Variants in DRC11 observed in about 807,000 individuals in gnomAD.
DRC11 encodes the protein dynein regulatory complex subunit 11.
At chr2:236,413,226 A>G in the DRC11 span, among the ~76,000 whole-genome samples, 1 of 152,192 alleles carries the variant, frequency 6.6e-6, no homozygotes, top group Non-Finnish European at 1.5e-5. The surrounding 1 kb of genome is among the most constrained non-coding windows in gnomAD (Gnocchi z 4.0). Context: ...GAAAGTCCAC[A>G]CACCTTTTCC....
At chr2:236,494,100 C>T in the DRC11 span, among the ~76,000 whole-genome samples, 1 of 152,140 alleles carries the variant, frequency 6.6e-6, no homozygotes, top group African/African-American at 2.4e-5. This position sits in a 1 kb window ranked among gnomAD's most constrained non-coding sequence, Gnocchi z 4.2. Flanking sequence ...ATGCCCCTTG[C>T]TTTAATCATT....
the DRC11 span, chr2:236,494,022 A>T: frequency 1.4e-6 from 1 of 707,488 alleles, no homozygotes; most frequent in Admixed American, 3.7e-5. The surrounding 1 kb of genome is among the most constrained non-coding windows in gnomAD (Gnocchi z 4.2). Flanking sequence ...GAAAAAAAAA[A>T]TGAGGCCAGC....
the DRC11 span, among the ~76,000 whole-genome samples, chr2:236,460,302 G>A: frequency 2.6e-5 from 4 of 151,408 alleles, no homozygotes; most frequent in Middle Eastern, 3.4e-3. The surrounding 1 kb of genome is among the most constrained non-coding windows in gnomAD (Gnocchi z 4.0). Flanking sequence ...GGGACAGGCC[G>A]GTGAGGGCTG....
chr2:236,363,868 G>A, the DRC11 span: 7 of 1,613,812 alleles, frequency 4.3e-6, 1 homozygote, highest in East Asian at 1.6e-4. The surrounding 1 kb of genome is among the most constrained non-coding windows in gnomAD (Gnocchi z 5.6). Flanking sequence ...GAAGAGGTTG[G>A]CTCCCGTTTC....
chr2:236,407,034 C>T, the DRC11 span, among the ~76,000 whole-genome samples: 3 of 152,068 alleles, frequency 2.0e-5, no homozygotes, highest in East Asian at 1.9e-4. Context: ...CATGAGCCAC[C>T]GCGCCCAGCC....
chr2:236,356,573 C>T, the DRC11 span, among the ~76,000 whole-genome samples: 1 of 152,162 alleles, frequency 6.6e-6, no homozygotes, highest in Non-Finnish European at 1.5e-5. Flanking sequence ...TTTTTGTTGA[C>T]ATTCAGCACT....
the DRC11 span, among the ~76,000 whole-genome samples, chr2:236,350,324 T>G: frequency 6.4e-4 from 97 of 152,320 alleles, no homozygotes; most frequent in Non-Finnish European, 1.3e-3. This position sits in a 1 kb window ranked among gnomAD's most constrained non-coding sequence, Gnocchi z 5.2. Context: ...TCTCCCTAGT[T>G]CAGCAGCTTT....
the DRC11 span, among the ~76,000 whole-genome samples, chr2:236,459,576 C>CGTACGTATATACGTACGTAT: frequency 7.9e-6 from 1 of 126,238 alleles, no homozygotes; most frequent in Non-Finnish European, 1.8e-5. Context: ...TATGTGTATA[C>CGTACGTATATACGTACGTAT]ATACGTATAT....
At chr2:236,493,682 C>G in the DRC11 span, 1 of 1,086,802 alleles carries the variant, frequency 9.2e-7, no homozygotes, top group South Asian at 1.7e-5. Context: ...TGAAAATAAT[C>G]TAAGTGTTGC....
chr2:236,386,545 TTCTC>T, the DRC11 span, among the ~76,000 whole-genome samples: 2 of 152,182 alleles, frequency 1.3e-5, no homozygotes, highest in South Asian at 2.1e-4. Context: ...TATTTGATTC[TTCTC>T]TCTTTTTTTC....
At chr2:236,394,524 A>G in the DRC11 span, among the ~76,000 whole-genome samples, 2 of 152,008 alleles carry the variant, frequency 1.3e-5, no homozygotes, top group Non-Finnish European at 2.9e-5. This position sits in a 1 kb window ranked among gnomAD's most constrained non-coding sequence, Gnocchi z 7.0. Flanking sequence ...CCAGCTACTC[A>G]GGAGGCTGAG....
the DRC11 span, among the ~76,000 whole-genome samples, chr2:236,425,581 A>G: frequency 1.3e-5 from 2 of 151,852 alleles, no homozygotes; most frequent in African/African-American, 4.9e-5. Flanking sequence ...TTTTCTCCCA[A>G]TTCATAGGTT....
the DRC11 span, chr2:236,368,155 G>T: frequency 8.0e-7 from 1 of 1,245,436 alleles, no homozygotes; most frequent in Non-Finnish European, 1.2e-6. Context: ...GGTGCAAGCT[G>T]CTTTGGAAAA....
chr2:236,396,955 T>C, the DRC11 span, among the ~76,000 whole-genome samples: 1 of 151,896 alleles, frequency 6.6e-6, no homozygotes, highest in Non-Finnish European at 1.5e-5. Flanking sequence ...GAGCAAAGGG[T>C]GGGCGCGGGC....
chr2:236,335,554 C>G, the DRC11 span, among the ~76,000 whole-genome samples: 1 of 152,178 alleles, frequency 6.6e-6, no homozygotes, highest in African/African-American at 2.4e-5. The surrounding 1 kb of genome is among the most constrained non-coding windows in gnomAD (Gnocchi z 5.6). Flanking sequence ...GCAGCGTGAT[C>G]TGAATCCTAA....
chr2:236,459,493 G>A, the DRC11 span, among the ~76,000 whole-genome samples: 7 of 122,630 alleles, frequency 5.7e-5, no homozygotes, highest in East Asian at 2.8e-4. Flanking sequence ...ATATGTATAC[G>A]TATATATGTA....
chr2:236,404,606 C>A, the DRC11 span, among the ~76,000 whole-genome samples: 1 of 152,222 alleles, frequency 6.6e-6, no homozygotes, highest in South Asian at 2.1e-4. Flanking sequence ...TTGGCCTTTG[C>A]GGCATGTGAA....
chr2:236,363,830 T>C, the DRC11 span: 1 of 1,613,922 alleles, frequency 6.2e-7, no homozygotes, highest in Non-Finnish European at 8.5e-7. This position sits in a 1 kb window ranked among gnomAD's most constrained non-coding sequence, Gnocchi z 5.6. Context: ...CCAGGGTATT[T>C]CCCAGCAATG....
At chr2:236,440,379 GA>G in the DRC11 span, among the ~76,000 whole-genome samples, 5 of 152,122 alleles carry the variant, frequency 3.3e-5, no homozygotes, top group African/African-American at 9.7e-5. Flanking sequence ...TTTTCATTTT[GA>G]CAATGCCTCT....
Sources: allele counts gnomAD v4.1 joint callset (sites outside exome capture counted in the v4.1 genomes callset), GRCh38; gene constraint gnomAD v4.1.1; non-coding constraint Gnocchi (gnomAD v3.1); transcripts MANE v1.5; gene names NCBI Gene and HGNC (gene_info 2026-07-23, HGNC 2026-07-21).